LRRC8C: variants seen among roughly 807,000 people sequenced by gnomAD.
The protein encoded by LRRC8C is volume-regulated anion channel subunit LRRC8C.
LRRC8C carries 20 observed loss-of-function variants against 55.3 expected under a neutral mutation model. The observed-to-expected ratio is 0.36, with a 90% CI of 0.25 to 0.53. The LOEUF (loss-of-function observed/expected upper bound fraction) is 0.53, where lower values mean the gene tolerates loss of function less well. Ranked by LOEUF, LRRC8C falls within the 20% of genes least tolerant of loss-of-function variation. LRRC8C has a pLI of 0.92. For synonymous variants in LRRC8C, 376 were observed against 360.7 expected (o/e 1.04, Z -0.48); for missense variants, 659 against 951.4 (o/e 0.69, Z 4.04).
intron 1 of LRRC8C, among the ~76,000 whole-genome samples, chr1:89,670,811 T>G (rs1368873451): frequency 6.6e-6 from 1 of 152,192 alleles, no homozygotes; most frequent in Non-Finnish European, 1.5e-5. Context: ...TGTTTTCATA[T>G]CTTCATCCCA....
intron 1 of LRRC8C, among the ~76,000 whole-genome samples, chr1:89,663,455 A>G (rs888443412): frequency 2.6e-5 from 4 of 151,934 alleles, no homozygotes; most frequent in African/African-American, 9.7e-5. Context: ...CTGTAGTCCT[A>G]GCTACTCGGG....
Position 89,713,458 on chromosome 1 carries a change from C to T in LRRC8C, c.888C>T (p.Asp296=). 3.1e-6 allele frequency: 5 copies of T among 1,614,166 alleles called. No homozygotes were observed. The highest frequency in any genetic ancestry group is 4.2e-6 in the Non-Finnish European group (5 of 1,180,046). Residue 296 remains aspartate (D), a synonymous_variant, in exon 3 of 3, where the codon GAC becomes GAT. Transcript: ENST00000370454. The surrounding 1 kb of genome is among the most constrained non-coding windows in gnomAD (Gnocchi z 5.2). ...KVQFTVDCNV[D]IQDMTGYKNF... ...AGTTTACAGTGGACTGTAATGTGGA[C>T]ATTCAGGACATGACTGGATATAAAA... is the stretch of plus-strand genomic sequence containing the variant.
chr1:89,662,967 T>G (rs1380133864), intron 1 of LRRC8C, among the ~76,000 whole-genome samples: 1 of 152,130 alleles, frequency 6.6e-6, no homozygotes, highest in Non-Finnish European at 1.5e-5. Context: ...TGCTATCCCT[T>G]CCCCAGCCTC....
chr1:89,653,234 G>A (rs1206447816), intron 1 of LRRC8C, among the ~76,000 whole-genome samples: 1 of 152,208 alleles, frequency 6.6e-6, no homozygotes, highest in Non-Finnish European at 1.5e-5. Flanking sequence ...TAAGAGCTCA[G>A]AAATGTAAAT....
chr1:89,684,830 G>C (rs1317306046), intron 1 of LRRC8C, among the ~76,000 whole-genome samples: 1 of 152,128 alleles, frequency 6.6e-6, no homozygotes, highest in Non-Finnish European at 1.5e-5. Context: ...CCTAGTGGGT[G>C]GTAACAGAAA....
intron 1 of LRRC8C, among the ~76,000 whole-genome samples, chr1:89,670,820 C>A (rs1657392941): frequency 6.6e-6 from 1 of 152,060 alleles, no homozygotes; most frequent in Non-Finnish European, 1.5e-5. Flanking sequence ...ATCTTCATCC[C>A]AGGGCAGTCC....
chr1:89,701,651 C>G (rs912123055), intron 2 of LRRC8C, among the ~76,000 whole-genome samples: 17 of 152,046 alleles, frequency 1.1e-4, no homozygotes, highest in African/African-American at 4.1e-4. Flanking sequence ...ACCCAAGCAA[C>G]ACAATTTTTC....
At chr1:89,686,437 A>T (rs1657885092) in intron 1 of LRRC8C, 33 bp from the exon 2 acceptor site, 6 of 1,611,630 alleles carry the variant, frequency 3.7e-6, no homozygotes, top group Non-Finnish European at 5.1e-6. Flanking sequence ...ACTGGAAGAT[A>T]AATTGATTTA....
intron 2 of LRRC8C, among the ~76,000 whole-genome samples, chr1:89,698,210 A>G (rs1047865220): frequency 3.3e-5 from 5 of 152,152 alleles, no homozygotes; most frequent in Non-Finnish European, 5.9e-5. Context: ...TGCAAAACGA[A>G]TTGTTTCATG....
chr1:89,675,717 C>T (rs1230447304), intron 1 of LRRC8C, among the ~76,000 whole-genome samples: 2 of 152,214 alleles, frequency 1.3e-5, no homozygotes, highest in Admixed American at 1.3e-4. Context: ...GAGAAACACA[C>T]AGCCTTTTCA....
the LRRC8C span, among the ~76,000 whole-genome samples, chr1:89,620,379 T>C: frequency 1.4e-4 from 21 of 152,136 alleles, no homozygotes; most frequent in African/African-American, 5.1e-4. Flanking sequence ...TTTATGAAGA[T>C]AGAATTTGAA....
intron 2 of LRRC8C, among the ~76,000 whole-genome samples, chr1:89,689,834 G>A (rs1231776383): frequency 1.4e-4 from 21 of 151,962 alleles, no homozygotes; most frequent in Non-Finnish European, 1.0e-4. Context: ...CCAGCTACTC[G>A]GGAGGCTGGG....
chr1:89,636,345 C>A (rs1211544421), intron 1 of LRRC8C, among the ~76,000 whole-genome samples: 1 of 152,150 alleles, frequency 6.6e-6, no homozygotes, highest in Admixed American at 6.5e-5. Context: ...GTGATTCACT[C>A]TTTATGTAAT....
intron 2 of LRRC8C, among the ~76,000 whole-genome samples, chr1:89,711,940 A>C (rs1422765305): frequency 6.6e-6 from 1 of 152,214 alleles, no homozygotes; most frequent in Non-Finnish European, 1.5e-5. Context: ...TATGTGTAGA[A>C]AAAGAAGGGG....
chr1:89,674,213 G>A (rs1347161998), intron 1 of LRRC8C, among the ~76,000 whole-genome samples: 10 of 152,008 alleles, frequency 6.6e-5, no homozygotes, highest in Admixed American at 3.9e-4. Context: ...CATATTTTCC[G>A]AGAATATTTT....
At chr1:89,616,572 A>G in the LRRC8C span, among the ~76,000 whole-genome samples, 4 of 152,176 alleles carry the variant, frequency 2.6e-5, no homozygotes, top group Non-Finnish European at 4.4e-5. Context: ...GTCTGGGGAA[A>G]ATTGGTTCAG....
chr1:89,668,802 G>T (rs1657337887), intron 1 of LRRC8C, among the ~76,000 whole-genome samples: 2 of 152,084 alleles, frequency 1.3e-5, no homozygotes, highest in Non-Finnish European at 2.9e-5. Flanking sequence ...TAATATGGAG[G>T]TTCAACAGAT....
intron 2 of LRRC8C, among the ~76,000 whole-genome samples, chr1:89,705,465 AAAATAAAATAAAAT>A (rs1426893503): frequency 6.6e-6 from 1 of 151,744 alleles, no homozygotes; most frequent in Non-Finnish European, 1.5e-5. Context: ...AAAATAAAAT[AAAATAAAATAAAAT>A]AAATAAATAA....
intron 1 of LRRC8C, chr1:89,661,301 G>A: frequency 2.9e-6 from 1 of 342,740 alleles, no homozygotes; most frequent in Non-Finnish European, 5.8e-6. Context: ...GTTTGTTCCA[G>A]GGCTCTGGAT....
Sources: allele counts gnomAD v4.1 joint callset (sites outside exome capture counted in the v4.1 genomes callset), GRCh38; gene constraint gnomAD v4.1.1; non-coding constraint Gnocchi (gnomAD v3.1); transcripts MANE v1.5; gene names NCBI Gene and HGNC (gene_info 2026-07-23, HGNC 2026-07-21).